DNASE1: variants seen among roughly 807,000 people sequenced by gnomAD.
DNASE1 encodes the protein deoxyribonuclease 1.
In DNASE1, 40 loss-of-function variants were observed where a neutral mutation model predicts 33.9. The ratio of observed to expected loss-of-function variants is 1.18; its 90% CI spans 0.92 to 1.54. DNASE1 has a LOEUF of 1.54. Among genes scored for constraint, DNASE1 ranks in the 40% most tolerant of loss-of-function variants. The pLI is 0.00. For missense variants in DNASE1, 518 were observed against 372.6 expected (o/e 1.39, Z -3.21); for synonymous variants, 216 against 160.0 (o/e 1.35, Z -2.64).
upstream of DNASE1, chr16:3,650,613 A>AAAAAAAAAAAAAAAAAAAAG (rs1567202911): frequency 2.0e-5 from 3 of 149,212 alleles, no homozygotes; most frequent in Non-Finnish European, 3.0e-5. Context: ...CAAAAAAAAA[A>AAAAAAAAAAAAAAAAAAAAG]AAAAAAAGAA....
chr16:3,622,234 G>A (rs1450377148), intron 1 of DNASE1, among the ~76,000 whole-genome samples: 2 of 144,934 alleles, frequency 1.4e-5, no homozygotes, highest in African/African-American at 2.5e-5. Context: ...AAAAAAAAAC[G>A]GAGGCTGAAT....
intron 4 of DNASE1, 112 bp from the exon 5 acceptor site, chr16:3,656,526 G>T (rs1567210463): frequency 2.7e-6 from 2 of 753,022 alleles, no homozygotes; most frequent in East Asian, 5.4e-5. Flanking sequence ...TTGAGCAGGT[G>T]CCTGGCTCCC....
chr16:3,637,162 T>G (rs905212453), intron 1 of DNASE1, among the ~76,000 whole-genome samples: 2 of 151,882 alleles, frequency 1.3e-5, no homozygotes, highest in African/African-American at 4.8e-5. Flanking sequence ...CTGAGGAAAA[T>G]CAGCCTTTGG....
At chr16:3,650,618 A>AAG (rs1340899244), upstream of DNASE1, 1 of 146,916 alleles carries the variant, frequency 6.8e-6, no homozygotes, top group Non-Finnish European at 1.5e-5. Flanking sequence ...AAAAAAAAAA[A>AAG]AAGAAAAGAA....
intron 1 of DNASE1, among the ~76,000 whole-genome samples, chr16:3,628,449 A>G (rs1596575994): frequency 1.3e-5 from 2 of 152,170 alleles, no homozygotes; most frequent in African/African-American, 2.4e-5. Flanking sequence ...TAGAACTTCC[A>G]GTACTAGGTT....
exon 10 of DNASE1, chr16:3,664,600 G>A (rs1309193380): frequency 1.5e-5 from 13 of 891,154 alleles, no homozygotes; most frequent in East Asian, 8.4e-5. Flanking sequence ...TAGTGGACTC[G>A]GGGGTTGTCC....
upstream of DNASE1, among the ~76,000 whole-genome samples, chr16:3,642,603 G>A (rs2042055743): frequency 6.6e-6 from 1 of 152,224 alleles, no homozygotes; most frequent in African/African-American, 2.4e-5. Context: ...CAGCTCTCGT[G>A]GGGCTCGCAT....
At chr16:3,626,635 A>G (rs776879513) in intron 1 of DNASE1, among the ~76,000 whole-genome samples, 1 of 152,350 alleles carries the variant, frequency 6.6e-6, no homozygotes, top group East Asian at 1.9e-4. Flanking sequence ...TCTAGATGTC[A>G]GTTAGATCCA....
chr16:3,620,753 T>TA (rs2151161069), intron 1 of DNASE1, among the ~76,000 whole-genome samples: 1 of 152,042 alleles, frequency 6.6e-6, no homozygotes, highest in Admixed American at 6.6e-5. Context: ...ATTTCTAGGC[T>TA]AAAGGGTATG....
chr16:3,644,595 G>T (rs1364152854), intron 1 of DNASE1, among the ~76,000 whole-genome samples: 1 of 151,972 alleles, frequency 6.6e-6, no homozygotes, highest in Non-Finnish European at 1.5e-5. Flanking sequence ...ATTAGCCGGG[G>T]ATGGTGGCAC....
At chr16:3,657,668 C>T (rs2042773577) in intron 7 of DNASE1, 52 bp from the exon 8 acceptor site, 28 of 1,608,150 alleles carry the variant, frequency 1.7e-5, no homozygotes, top group Non-Finnish European at 2.3e-5. Flanking sequence ...GGGTGCTGAG[C>T]CAGGCCCATG....
rs772385567 is a variant in DNASE1, at chr16:3,656,167, G to A, written c.302G>A (p.Arg101His). ...EPLGRNSYKE[R>H]YLFVYRPDQV... ...CTGGGACGGAACAGCTATAAGGAGC[G>A]CTACCTGTTCGTGTACAGGTGGGTG... Residue 101 changes from arginine (R) to histidine (H), a missense_variant, in exon 4 of 9, where the codon CGC (arginine) becomes CAC (histidine). Physicochemically the swap from Arg to His is conservative, Grantham distance 29. Transcript: ENST00000246949. The A allele has an allele frequency of 1.4e-5, 22 of 1,614,070 alleles. No individual in the cohort carries two copies. Among genetic ancestry groups the A allele is most frequent in the Admixed American group, 5.0e-5 (3 of 60,026 alleles).
At chr16:3,624,503 C>T (rs1220283548) in intron 1 of DNASE1, among the ~76,000 whole-genome samples, 1 of 152,208 alleles carries the variant, frequency 6.6e-6, no homozygotes, top group East Asian at 1.9e-4. Flanking sequence ...GCTGAGTTCA[C>T]AGTGGCTGAA....
intron 1 of DNASE1, among the ~76,000 whole-genome samples, chr16:3,636,881 C>T (rs765866122): frequency 1.8e-4 from 28 of 151,816 alleles, no homozygotes; most frequent in Admixed American, 9.2e-4. Context: ...CCCAGCACTT[C>T]GGGAGGCCAA....
At chr16:3,623,885 AT>A (rs1188603109) in intron 1 of DNASE1, among the ~76,000 whole-genome samples, 1 of 152,248 alleles carries the variant, frequency 6.6e-6, no homozygotes, top group Non-Finnish European at 1.5e-5. Context: ...CAGAATGGCT[AT>A]TATTAAAAAG....
chr16:3,630,682 T>C (rs1008142081), intron 1 of DNASE1, among the ~76,000 whole-genome samples: 40 of 152,240 alleles, frequency 2.6e-4, no homozygotes, highest in African/African-American at 9.6e-4. Flanking sequence ...GCATGGAATA[T>C]GTTTTTCCAT....
chr16:3,645,286 C>G (rs778742232), intron 1 of DNASE1, among the ~76,000 whole-genome samples: 1 of 152,202 alleles, frequency 6.6e-6, no homozygotes, highest in Non-Finnish European at 1.5e-5. Context: ...GGGGGCCCTG[C>G]TGAGAAGGCC....
At chr16:3,656,555 G>A (rs1171252942) in intron 4 of DNASE1, 83 bp from the exon 5 acceptor site, 2 of 1,209,452 alleles carry the variant, frequency 1.7e-6, no homozygotes, top group Non-Finnish European at 2.4e-6. Context: ...CTGTCGCCTG[G>A]GACGCGACGC....
At chr16:3,662,401 C>T (rs2043135474), downstream of DNASE1, 4 of 575,258 alleles carry the variant, frequency 7.0e-6, no homozygotes, top group Non-Finnish European at 1.2e-5. Flanking sequence ...TCGTCCTCTG[C>T]TCCATGCCAG....
Sources: gnomAD v4.1 joint callset for allele counts (sites outside exome capture counted in the v4.1 genomes callset) on GRCh38, gnomAD v4.1.1 for gene constraint, MANE v1.5 for transcripts, NCBI Gene and HGNC (gene_info 2026-07-23, HGNC 2026-07-21) for gene names.